The following TGFBRAP1 variants were observed in gnomAD, a reference collection of about 807,000 sequenced individuals.
TGFBRAP1 encodes the protein transforming growth factor beta receptor associated protein 1, also known as transforming growth factor-beta receptor-associated protein 1.
Under a neutral mutation model 83.2 loss-of-function variants are expected in TGFBRAP1, and 20 were observed. The ratio of observed to expected loss-of-function variants is 0.24; its 90% CI spans 0.17 to 0.35. TGFBRAP1 has a LOEUF of 0.35. TGFBRAP1 is among the 10% of genes least tolerant of loss of function. The probability of loss-of-function intolerance (pLI) is 1.00; values close to 1 mark genes in which losing one functional copy is unlikely to be tolerated. For missense variants in TGFBRAP1, 950 were observed against 1,099.4 expected (o/e 0.86, Z 1.92); for synonymous variants, 415 against 459.8 (o/e 0.90, Z 1.25).
chr2:105,250,791 T>C, the TGFBRAP1 span, among the ~76,000 whole-genome samples: 1 of 152,164 alleles, frequency 6.6e-6, no homozygotes, highest in African/African-American at 2.4e-5. Flanking sequence ...GTGCCTGCGA[T>C]TGCAGGCGCG....
At chr2:105,251,683 C>T in the TGFBRAP1 span, among the ~76,000 whole-genome samples, 4 of 151,882 alleles carry the variant, frequency 2.6e-5, no homozygotes, top group Non-Finnish European at 5.9e-5. Context: ...ATGACAATGG[C>T]GGTTTTGTGG....
intron 4 of TGFBRAP1, among the ~76,000 whole-genome samples, chr2:105,291,375 T>C (rs908925694): frequency 6.6e-5 from 10 of 152,118 alleles, no homozygotes; most frequent in African/African-American, 2.2e-4. Context: ...CTTGTTGAGG[T>C]CACCCAGTTT....
At chr2:105,318,282 G>T (rs796819429) in intron 1 of TGFBRAP1, among the ~76,000 whole-genome samples, 5 of 152,308 alleles carry the variant, frequency 3.3e-5, no homozygotes, top group African/African-American at 1.2e-4. Context: ...AATCTTAAGA[G>T]AATCTTAAGG....
rs776999009 is a variant in TGFBRAP1 at position 105,275,754 on chromosome 2, T to C, written c.1522-51A>G. On this transcript the variant is annotated intron_variant, in intron 7 of 11. Transcript: ENST00000393359. ...AGAAAAAGAAAAGAAAAAACAATCA[T>C]AAAGGCACATATCTCAGAATTAGTT... The C allele has an allele frequency of 3.9e-6, 6 of 1,557,102 alleles. No individual in the cohort carries two copies. The South Asian group carries it at 5.0e-5, about 13-fold the overall frequency.
chr2:105,274,559 C>T (rs1677272783), intron 8 of TGFBRAP1, among the ~76,000 whole-genome samples: 1 of 152,200 alleles, frequency 6.6e-6, no homozygotes, highest in Non-Finnish European at 1.5e-5. Context: ...GATTGTCCAC[C>T]GTGCAGTATC....
chr2:105,312,199 T>A (rs1475435742), intron 1 of TGFBRAP1, among the ~76,000 whole-genome samples: 1 of 152,052 alleles, frequency 6.6e-6, no homozygotes, highest in Non-Finnish European at 1.5e-5. Flanking sequence ...CTTTAAGGCT[T>A]ACCTATAATC....
chr2:105,257,445 A>G, the TGFBRAP1 span, among the ~76,000 whole-genome samples: 1 of 152,004 alleles, frequency 6.6e-6, no homozygotes, highest in Non-Finnish European at 1.5e-5. Flanking sequence ...CCTGGCACCC[A>G]CCATTCTACT....
downstream of TGFBRAP1, among the ~76,000 whole-genome samples, chr2:105,263,023 C>T (rs769908440): frequency 2.9e-4 from 44 of 152,254 alleles, no homozygotes; most frequent in South Asian, 8.3e-4. Context: ...TACTCTAACA[C>T]GAGTCACAGC....
Position 105,295,145 on chromosome 2 carries a change from A to G in TGFBRAP1, c.1038+1211T>C, listed in dbSNP as rs529965834. Among the ~76,000 whole-genome samples, 44 of 152,350 alleles carry G rather than the reference A, an allele frequency of 2.9e-4. 1 individual carries two copies. Among genetic ancestry groups the G allele is most frequent in the African/African-American group, 1.0e-3 (43 of 41,580 alleles). The stretch of plus-strand genomic sequence containing the variant: ...AGCAACAAAGATGAAAACTTTATCA[A>G]CGTTTAAATGTAGAAAAGAGGTCCT... On this transcript the variant is annotated intron_variant, in intron 4 of 11. Transcript: ENST00000393359.
chr2:105,260,166 T>C (rs1676755547), downstream of TGFBRAP1, among the ~76,000 whole-genome samples: 1 of 152,164 alleles, frequency 6.6e-6, no homozygotes, highest in Non-Finnish European at 1.5e-5. Context: ...CCCAGTACTT[T>C]GGGAGGCTGA....
chr2:105,264,013 G>A (rs545831457), downstream of TGFBRAP1, among the ~76,000 whole-genome samples: 4 of 152,336 alleles, frequency 2.6e-5, no homozygotes, highest in African/African-American at 9.6e-5. Context: ...CAGGATAGCT[G>A]AAAGACCTGC....
chr2:105,284,026 A>G (rs1394703544), intron 5 of TGFBRAP1, among the ~76,000 whole-genome samples: 1 of 152,176 alleles, frequency 6.6e-6, no homozygotes, highest in Non-Finnish European at 1.5e-5. Context: ...TCCGCTCTTT[A>G]GAATTTTCTC....
Position 105,264,970 on chromosome 2 carries a change from A to T in TGFBRAP1, c.*2413T>A, listed in dbSNP as rs1374748475. 5 of 152,226 alleles carry T rather than the reference A, an allele frequency of 3.3e-5. No individual in the cohort carries two copies. The highest frequency in any genetic ancestry group is 1.2e-4 in the African/African-American group (5 of 41,456). The allele number at this position is 152,226 out of a possible 1,614,324, so 9.4% of individuals were successfully genotyped here. ...ACCATACATTTCTCTCAGAAATATG[A>T]TTTGAGAAAAGGGCCTTGTAGGAGT... On this transcript the variant is annotated 3_prime_UTR_variant, in exon 12 of 12. Transcript: ENST00000393359.
At position 105,308,278 on chromosome 2, in the gene TGFBRAP1, C is replaced by A. The variant is rs766664518; in HGVS notation, c.24G>T (p.Thr8=). MMSIKAF[T]LVSAVERELL... ...GCTCCCGCTCCACAGCAGAGACAAG[C>A]GTAAAGGCTTTGATGCTCATCATGT... is the stretch of plus-strand genomic sequence containing the variant. The change falls in exon 2 of 12, where the codon ACG becomes ACT. Residue 8 remains threonine (T), a synonymous_variant. Coordinates refer to ENST00000393359, the MANE Select transcript of TGFBRAP1 (RefSeq NM_004257.6). 1.2e-6 allele frequency: 2 copies of A among 1,612,422 alleles called. No individual in the cohort carries two copies. The highest frequency in any genetic ancestry group is 1.7e-6 in the Non-Finnish European group (2 of 1,178,600).
intron 6 of TGFBRAP1, among the ~76,000 whole-genome samples, chr2:105,279,965 G>C (rs868379876): frequency 6.6e-6 from 1 of 151,930 alleles, no homozygotes; most frequent in Non-Finnish European, 1.5e-5. Flanking sequence ...TTGAACCCAG[G>C]AGGTGGAGGT....
rs538156670 is a variant in TGFBRAP1, at chr2:105,279,402, C to T, written c.1463+980G>A. ...CCTTCTGAGTAGCTGGGACCACAGGCGTGAACCACCACACCCAGCTAATTT... is the reference window on the plus strand; with the variant it reads ...CCTTCTGAGTAGCTGGGACCACAGGTGTGAACCACCACACCCAGCTAATTT... On this transcript the variant is annotated intron_variant, in intron 6 of 11. Transcript: ENST00000393359. Among the ~76,000 whole-genome samples, 8 of 152,156 alleles carry T rather than the reference C, an allele frequency of 5.3e-5. No homozygotes were observed. The South Asian group carries it at 6.2e-4, about 12-fold the overall frequency.
intron 1 of TGFBRAP1, among the ~76,000 whole-genome samples, chr2:105,323,384 T>G (rs970105627): frequency 6.6e-6 from 1 of 152,194 alleles, no homozygotes. Context: ...CCCTTGGGAC[T>G]CAGTGCAAAC....
rs1678549648 is a variant in TGFBRAP1 at position 105,307,648 on chromosome 2, T to C, written c.654A>G (p.Arg218=). The C allele has an allele frequency of 5.0e-6, 8 of 1,613,600 alleles. No homozygotes were observed. The highest frequency in any genetic ancestry group is 6.8e-6 in the Non-Finnish European group (8 of 1,179,834). ...CGGGGCCCGCCAGCAGGAACTCCTG[T>C]CTCCCTATCCTCTTGACGATCGGCG... is the stretch of plus-strand genomic sequence containing the variant. The part of the protein sequence containing the change: ...ERPPIVKRIG[R]QEFLLAGPGG... The change falls in exon 2 of 12, where the codon AGA becomes AGG. Residue 218 remains arginine, a synonymous_variant. Coordinates refer to ENST00000393359, the MANE Select transcript of TGFBRAP1 (RefSeq NM_004257.6).
intron 5 of TGFBRAP1, among the ~76,000 whole-genome samples, chr2:105,283,497 G>A (rs1284106429): frequency 2.0e-5 from 3 of 152,206 alleles, no homozygotes; most frequent in Non-Finnish European, 4.4e-5. Context: ...TTAGATAGCT[G>A]TAAACTGTGC....
Sources: allele counts gnomAD v4.1 joint callset (sites outside exome capture counted in the v4.1 genomes callset), GRCh38; gene constraint gnomAD v4.1.1; transcripts MANE v1.5; gene names NCBI Gene and HGNC (gene_info 2026-07-23, HGNC 2026-07-21).